The following ASIC2 variants were observed in gnomAD, a reference collection of about 807,000 sequenced individuals.
ASIC2 encodes acid-sensing ion channel 2.
A neutral mutation model predicts 57.3 loss-of-function variants in ASIC2; 25 were observed. The observed-to-expected ratio is 0.44, with a 90% CI of 0.32 to 0.61. ASIC2 has a LOEUF of 0.61. ASIC2 is among the 20% of genes least tolerant of loss of function. The pLI is 0.06. For missense variants in ASIC2, 641 were observed against 738.1 expected (o/e 0.87, Z 1.52); for synonymous variants, 319 against 307.5 (o/e 1.04, Z -0.39).
At chr17:34,088,336 G>A (rs952252623) in intron 1 of ASIC2, among the ~76,000 whole-genome samples, 1 of 152,232 alleles carries the variant, frequency 6.6e-6, no homozygotes, top group African/African-American at 2.4e-5. Context: ...GGTATCAGCA[G>A]CGGTGTTTGC....
chr17:33,509,851 G>T (rs932272659), intron 1 of ASIC2, among the ~76,000 whole-genome samples: 1 of 152,236 alleles, frequency 6.6e-6, no homozygotes, highest in African/African-American at 2.4e-5. Flanking sequence ...GGAGGCCTGG[G>T]TTCTGCCCTA....
chr17:34,054,420 T>C (rs1008078612), intron 1 of ASIC2, among the ~76,000 whole-genome samples: 1 of 152,188 alleles, frequency 6.6e-6, no homozygotes, highest in African/African-American at 2.4e-5. Context: ...TGGCTCACAG[T>C]ATAGTGCTTT....
chr17:33,510,781 G>A (rs1303379979), intron 1 of ASIC2, among the ~76,000 whole-genome samples: 1 of 152,056 alleles, frequency 6.6e-6, no homozygotes, highest in Non-Finnish European at 1.5e-5. Flanking sequence ...CAGTACCCTG[G>A]GCTCATTCAT....
rs1446628952 is a variant in ASIC2 at position 33,502,116 on chromosome 17, G to T, written c.556-390049C>A. Among the ~76,000 whole-genome samples the T allele has an allele frequency of 2.6e-5, 4 of 152,264 alleles. No homozygotes were observed. The East Asian group carries it at 7.7e-4, about 29-fold the overall frequency. ...CTACTGTCAAGATCTAGGGGGAAGG[G>T]GTGGGGTTCCAAAGGGGATGGGCAA... On this transcript the variant is annotated intron_variant, in intron 1 of 9. Coordinates refer to the ASIC2 transcript ENST00000359872.
chr17:33,119,162 T>G (rs775034562), intron 1 of ASIC2, among the ~76,000 whole-genome samples: 1 of 152,182 alleles, frequency 6.6e-6, no homozygotes, highest in Non-Finnish European at 1.5e-5. Context: ...CATCAAACCT[T>G]CTAACCTATT....
chr17:33,746,432 ATATGTATATATGTG>A (rs1910268172), intron 1 of ASIC2, among the ~76,000 whole-genome samples: 1 of 107,796 alleles, frequency 9.3e-6, no homozygotes, highest in Admixed American at 9.6e-5. Flanking sequence ...ACGTATATGA[ATATGTATATATGTG>A]TATATATGTG....
At chr17:33,736,253 C>A (rs1909908062) in intron 1 of ASIC2, among the ~76,000 whole-genome samples, 1 of 151,968 alleles carries the variant, frequency 6.6e-6, no homozygotes, top group African/African-American at 2.4e-5. Flanking sequence ...GGAAATCATC[C>A]TGCCATTGCT....
At chr17:33,521,584 T>C (rs905340145) in intron 1 of ASIC2, among the ~76,000 whole-genome samples, 3 of 152,140 alleles carry the variant, frequency 2.0e-5, no homozygotes, top group African/African-American at 7.2e-5. Flanking sequence ...GAGAGCCTGC[T>C]GAGAGTCTGG....
intron 1 of ASIC2, among the ~76,000 whole-genome samples, chr17:33,836,968 C>T (rs1913292732): frequency 6.6e-6 from 1 of 152,192 alleles, no homozygotes; most frequent in South Asian, 2.1e-4. Flanking sequence ...GTACTTAGTA[C>T]ACTGGTTGTC....
chr17:33,024,488 T>G (rs552076211), intron 5 of ASIC2, among the ~76,000 whole-genome samples: 1 of 152,352 alleles, frequency 6.6e-6, no homozygotes, highest in East Asian at 1.9e-4. Flanking sequence ...CCTTCATTTC[T>G]TTCCCTGGAG....
At chr17:34,055,515 T>G (rs2086106534) in intron 1 of ASIC2, among the ~76,000 whole-genome samples, 1 of 152,228 alleles carries the variant, frequency 6.6e-6, no homozygotes, top group Admixed American at 6.5e-5. Flanking sequence ...CATATTCATC[T>G]TCCCAGAAAG....
intron 1 of ASIC2, among the ~76,000 whole-genome samples, chr17:33,783,043 A>T (rs1232442192): frequency 6.6e-6 from 1 of 152,084 alleles, no homozygotes; most frequent in Non-Finnish European, 1.5e-5. Flanking sequence ...CCAAGAGCAA[A>T]TGTCCCCTCA....
chr17:33,947,579 A>G (rs538455377), intron 1 of ASIC2, among the ~76,000 whole-genome samples: 37 of 151,884 alleles, frequency 2.4e-4, no homozygotes, highest in African/African-American at 8.3e-4. Context: ...AGCTCAGGCA[A>G]AGGGACATTC....
At chr17:33,906,340 T>C (rs1915348462) in intron 1 of ASIC2, among the ~76,000 whole-genome samples, 1 of 152,214 alleles carries the variant, frequency 6.6e-6, no homozygotes, top group Non-Finnish European at 1.5e-5. Context: ...AAAGTCATCT[T>C]GACATCCTCA....
intron 1 of ASIC2, among the ~76,000 whole-genome samples, chr17:33,584,922 A>T (rs189047888): frequency 5.3e-5 from 8 of 152,072 alleles, no homozygotes; most frequent in Non-Finnish European, 8.8e-5. Context: ...GATTGATGGG[A>T]TGATGGGGGA....
At chr17:33,234,604 A>C (rs1908226878) in intron 1 of ASIC2, among the ~76,000 whole-genome samples, 1 of 152,218 alleles carries the variant, frequency 6.6e-6, no homozygotes, top group Non-Finnish European at 1.5e-5. Context: ...TGGCTTAAAC[A>C]ACAAACATTT....
intron 1 of ASIC2, among the ~76,000 whole-genome samples, chr17:33,467,078 T>A (rs1013747317): frequency 6.6e-6 from 1 of 151,740 alleles, no homozygotes; most frequent in East Asian, 1.9e-4. Context: ...TGGGAGAAAA[T>A]TTTTGCAATC....
chr17:34,053,286 A>T (rs1380006762), intron 1 of ASIC2, among the ~76,000 whole-genome samples: 1 of 152,222 alleles, frequency 6.6e-6, no homozygotes, highest in Non-Finnish European at 1.5e-5. Flanking sequence ...CACTCATAAA[A>T]GTCAGGCCCT....
chr17:33,296,727 G>A (rs1905735222), upstream of ASIC2, among the ~76,000 whole-genome samples: 1 of 152,188 alleles, frequency 6.6e-6, no homozygotes, highest in African/African-American at 2.4e-5. Context: ...AATCTGTTGG[G>A]AGGGGAGATC....
Sources: gnomAD v4.1 joint callset for allele counts (sites outside exome capture counted in the v4.1 genomes callset) on GRCh38, gnomAD v4.1.1 for gene constraint, MANE v1.5 for transcripts, NCBI Gene and HGNC (gene_info 2026-07-23, HGNC 2026-07-21) for gene names.